The following CRYBG1 variants were observed in gnomAD, a reference collection of about 807,000 sequenced individuals.
The protein encoded by CRYBG1 is crystallin beta-gamma domain containing 1.
A neutral mutation model predicts 189.2 loss-of-function variants in CRYBG1; 139 were observed. That is an observed-to-expected ratio of 0.73 (90% CI 0.64 to 0.85). CRYBG1 has a LOEUF of 0.85. Ranked by LOEUF, CRYBG1 falls within the 40% of genes least tolerant of loss-of-function variation. CRYBG1 has a pLI of 0.00. For synonymous variants in CRYBG1, 1,023 were observed against 1,017.1 expected (o/e 1.01, Z -0.11); for missense variants, 2,611 against 2,675.8 (o/e 0.98, Z 0.53).
chr6:106,370,369 C>T (rs73507188), intron 1 of CRYBG1, among the ~76,000 whole-genome samples: 12,333 of 152,166 alleles, frequency 0.081, 1,662 homozygotes, highest in African/African-American at 0.28. Context: ...GGGGGGCCCT[C>T]TAGTTGCTGC....
chr6:106,568,843 T>C lies in CRYBG1; in HGVS notation c.*277T>C, dbSNP rs571774448. The C allele has an allele frequency of 2.4e-5, 8 of 336,596 alleles. No homozygotes were observed. In the South Asian group the frequency reaches 5.0e-4, roughly 21 times the overall value. 20.9% of individuals were successfully genotyped at this position (336,596 alleles called of 1,614,324 possible). On this transcript the variant is annotated 3_prime_UTR_variant, in exon 22 of 22. Coordinates refer to ENST00000633556, the MANE Select transcript of CRYBG1 (RefSeq NM_001371242.2). ...TGCCTAATTAGCAGCTTTTGGGTGA[T>C]TTTGTAAAATGTTATATCAAGATTT...
intron 1 of CRYBG1, among the ~76,000 whole-genome samples, chr6:106,384,473 A>C (rs1375390520): frequency 6.6e-6 from 1 of 152,086 alleles, no homozygotes; most frequent in Admixed American, 6.6e-5. Flanking sequence ...AGCCCTAAGC[A>C]TGTTTTCTTG....
intron 1 of CRYBG1, among the ~76,000 whole-genome samples, chr6:106,413,396 G>T (rs1033860343): frequency 6.6e-6 from 1 of 152,180 alleles, no homozygotes; most frequent in African/African-American, 2.4e-5. Flanking sequence ...ACAGATGTTG[G>T]CCAGGCATGG....
intron 1 of CRYBG1, among the ~76,000 whole-genome samples, chr6:106,377,348 A>G (rs1770186310): frequency 6.6e-6 from 1 of 152,144 alleles, no homozygotes; most frequent in Non-Finnish European, 1.5e-5. Context: ...TTTCTTACTT[A>G]AAGGAGACAC....
chr6:106,531,130 T>A (rs983596051), intron 8 of CRYBG1, among the ~76,000 whole-genome samples: 7 of 152,218 alleles, frequency 4.6e-5, no homozygotes, highest in African/African-American at 1.4e-4. Flanking sequence ...ATGGAGTATC[T>A]CTGCAGTGAA....
chr6:106,552,777 A>C (rs148055287), intron 15 of CRYBG1, among the ~76,000 whole-genome samples: 135 of 152,294 alleles, frequency 8.9e-4, no homozygotes, highest in Middle Eastern at 3.4e-3. Flanking sequence ...TGAATTTTAT[A>C]TCATTACATT....
At chr6:106,519,013 C>T in intron 3 of CRYBG1, 118 bp from the exon 4 acceptor site, 1 of 955,608 alleles carries the variant, frequency 1.0e-6, no homozygotes, top group Non-Finnish European at 1.5e-6. Flanking sequence ...ACACACCACA[C>T]TCCAAATGTT....
At chr6:106,475,497 G>T (rs1237612457) in intron 2 of CRYBG1, among the ~76,000 whole-genome samples, 1 of 152,192 alleles carries the variant, frequency 6.6e-6, no homozygotes, top group African/African-American at 2.4e-5. Context: ...CAGATGAGGT[G>T]ATATTTGGGA....
chr6:106,363,069 C>T (rs113707169), intron 1 of CRYBG1, among the ~76,000 whole-genome samples: 8,355 of 151,064 alleles, frequency 0.055, 789 homozygotes, highest in African/African-American at 0.19. Flanking sequence ...CACGGTGAAA[C>T]CCCGTCTCTA....
chr6:106,436,321 C>T (rs1192542208), intron 1 of CRYBG1, among the ~76,000 whole-genome samples: 12 of 136,012 alleles, frequency 8.8e-5, no homozygotes, highest in African/African-American at 1.1e-4. Flanking sequence ...TTTTTTGAGA[C>T]GGAGTCTCGC....
intron 1 of CRYBG1, among the ~76,000 whole-genome samples, chr6:106,403,532 T>C (rs1275974202): frequency 6.6e-6 from 1 of 152,256 alleles, no homozygotes; most frequent in African/African-American, 2.4e-5. Context: ...GGATTTGTTC[T>C]ACAGTGCGGA....
intron 1 of CRYBG1, among the ~76,000 whole-genome samples, chr6:106,386,621 G>A (rs1770394653): frequency 7.7e-6 from 1 of 129,646 alleles, no homozygotes; most frequent in Non-Finnish European, 1.7e-5. Flanking sequence ...AGATCATCAG[G>A]CATTAGATTC....
chr6:106,454,461 C>T (rs1457484012), intron 2 of CRYBG1, among the ~76,000 whole-genome samples: 1 of 152,196 alleles, frequency 6.6e-6, no homozygotes, highest in African/African-American at 2.4e-5. Context: ...ACAGTGAGTT[C>T]TAGGGTGCCA....
rs780184647 is a variant in CRYBG1, at chr6:106,512,794, C to A, written c.1677C>A (p.Ser559Arg). ...SPVTKGTAAESGEEAARAIPR... is the reference protein window; with the variant it reads ...SPVTKGTAAERGEEAARAIPR... ...TCACCAAGGGCACTGCGGCCGAGAGCGGGGAGGAGGCGGCGCGGGCCATCC... is the reference window on the plus strand; with the variant it reads ...TCACCAAGGGCACTGCGGCCGAGAGAGGGGAGGAGGCGGCGCGGGCCATCC... Residue 559 changes from serine (S) to arginine (R), a missense_variant, in exon 3 of 22, where the codon AGC (serine) becomes AGA (arginine). By Grantham distance (110) the Ser-to-Arg change is moderately radical (BLOSUM62 -1). This residue lies in a region of CRYBG1 where 985 missense variants were observed against 924.4 expected (regional missense o/e 1.07). Coordinates refer to ENST00000633556, the MANE Select transcript of CRYBG1 (RefSeq NM_001371242.2). 68 of 1,579,102 alleles carry A rather than the reference C, an allele frequency of 4.3e-5. No homozygotes were observed. Among genetic ancestry groups the A allele is most frequent in the Non-Finnish European group, 5.9e-5 (68 of 1,162,348 alleles).
chr6:106,380,889 C>T (rs1488578617), intron 1 of CRYBG1, among the ~76,000 whole-genome samples: 1 of 152,104 alleles, frequency 6.6e-6, no homozygotes, highest in African/African-American at 2.4e-5. Flanking sequence ...AGTGGGGGTG[C>T]CCTTGATGAA....
At position 106,512,108 on chromosome 6, in the gene CRYBG1, G is replaced by T. The variant is rs1306397187; in HGVS notation, c.991G>T (p.Ala331Ser). The T allele has an allele frequency of 2.6e-6, 4 of 1,534,404 alleles. No individual in the cohort carries two copies. Among genetic ancestry groups the T allele is most frequent in the South Asian group, 1.2e-5 (1 of 83,936 alleles). ...AGAAGGCTCCCTGGGGCCCCGCAAC[G>T]CCCGCAGCCAGCCCCCCAAGGGCGC... ...AEEGSLGPRN[A>S]RSQPPKGASD... The change falls in exon 3 of 22, where the codon GCC becomes TCC. Residue 331 changes from alanine (A) to serine (S), a missense_variant. Around this residue, in one of 3 missense-constraint regions of CRYBG1, gnomAD observed 985 missense variants for 924.4 expected, o/e 1.07. Coordinates refer to ENST00000633556, the MANE Select transcript of CRYBG1 (RefSeq NM_001371242.2).
At chr6:106,379,072 C>T (rs2114314945) in intron 1 of CRYBG1, among the ~76,000 whole-genome samples, 1 of 152,098 alleles carries the variant, frequency 6.6e-6, no homozygotes, top group Non-Finnish European at 1.5e-5. Context: ...TTGCTTGACC[C>T]CGGGAGGCAG....
At chr6:106,436,714 G>T (rs1238700809) in intron 1 of CRYBG1, among the ~76,000 whole-genome samples, 2 of 152,068 alleles carry the variant, frequency 1.3e-5, no homozygotes, top group Non-Finnish European at 2.9e-5. Context: ...ACCTGAATGG[G>T]TTTTTTGCAA....
intron 2 of CRYBG1, among the ~76,000 whole-genome samples, chr6:106,496,971 C>T (rs2114502546): frequency 6.6e-6 from 1 of 152,320 alleles, no homozygotes; most frequent in South Asian, 2.1e-4. Flanking sequence ...GCAGTGTTTG[C>T]AAAACGCAAT....
Sources: allele counts gnomAD v4.1 joint callset (sites outside exome capture counted in the v4.1 genomes callset), GRCh38; gene constraint gnomAD v4.1.1; regional missense constraint gnomAD v4.1.1; transcripts MANE v1.5; gene names NCBI Gene and HGNC (gene_info 2026-07-23, HGNC 2026-07-21).